Variants in TRPC6 observed in about 807,000 individuals in gnomAD.
TRPC6 encodes the protein transient receptor potential cation channel subfamily C member 6.
Under a neutral mutation model 90.7 loss-of-function variants are expected in TRPC6, and 55 were observed. That is an observed-to-expected ratio of 0.61 (90% confidence interval 0.49 to 0.76). TRPC6 has a LOEUF of 0.76. Ranked by LOEUF, TRPC6 falls within the 30% of genes least tolerant of loss-of-function variation. The pLI is 0.00. For missense variants in TRPC6, 989 were observed against 1,122.7 expected (o/e 0.88, Z 1.70); for synonymous variants, 393 against 393.0 (o/e 1.00, Z 0.00).
Position 101,583,607 on chromosome 11 carries a change from C to A in TRPC6, c.-104G>T, listed in dbSNP as rs184074851. ...GGTTCGCGTCAGCGGCCGAACTGGACCTGGGCAGACCGGTGCCCAGGGGAC... is the reference window on the plus strand; with the variant it reads ...GGTTCGCGTCAGCGGCCGAACTGGAACTGGGCAGACCGGTGCCCAGGGGAC... On this transcript the variant is annotated 5_prime_UTR_variant, in exon 1 of 13. Coordinates refer to ENST00000344327, the MANE Select transcript of TRPC6 (RefSeq NM_004621.6). 155 of 1,277,966 alleles carry A rather than the reference C, an allele frequency of 1.2e-4. 1 individual carries two copies. The African/African-American group carries it at 2.2e-3, about 18-fold the overall frequency. 79.2% of individuals were successfully genotyped at this position (1,277,966 alleles called of 1,614,324 possible). A position where few individuals can be genotyped will look rare whatever the true frequency, so the allele number is the denominator to read the frequency against.
intron 1 of TRPC6, among the ~76,000 whole-genome samples, chr11:101,577,821 C>T (rs1481536323): frequency 1.3e-5 from 2 of 152,118 alleles, no homozygotes; most frequent in Non-Finnish European, 2.9e-5. Context: ...GGAACTTTAA[C>T]GGAAGAGCCT....
At chr11:101,521,382 G>A (rs4275596) in intron 1 of TRPC6, among the ~76,000 whole-genome samples, 39,525 of 152,142 alleles carry the variant, frequency 0.26, 5,271 homozygotes, top group African/African-American at 0.29. Flanking sequence ...TAAGCCTGCA[G>A]GTGCACAGAG....
intron 1 of TRPC6, among the ~76,000 whole-genome samples, chr11:101,553,138 TC>T (rs1861485116): frequency 6.6e-6 from 1 of 152,028 alleles, no homozygotes; most frequent in African/African-American, 2.4e-5. Flanking sequence ...TCAGTGCCAG[TC>T]CCCTCTTTCT....
rs926271571 is a variant in TRPC6 at position 101,583,577 on chromosome 11, C to A, written c.-74G>T. 2.9e-6 allele frequency: 4 copies of A among 1,388,480 alleles called. No homozygotes were observed. In the African/African-American group the frequency reaches 4.6e-5, roughly 16 times the overall value. The allele number at this position is 1,388,480 out of a possible 1,614,324, so 86.0% of individuals were successfully genotyped here. A position where few individuals can be genotyped will look rare whatever the true frequency, so the allele number is the denominator to read the frequency against. ...GGGCAGTTCCAGCGGGGACCCGGTG[C>A]GGAGGGTTCGCGTCAGCGGCCGAAC... is the stretch of plus-strand genomic sequence containing the variant. On this transcript the variant is annotated 5_prime_UTR_variant, in exon 1 of 13. Transcript: ENST00000344327.
intron 10 of TRPC6, among the ~76,000 whole-genome samples, chr11:101,467,836 G>A (rs1859186573): frequency 6.6e-6 from 1 of 152,020 alleles, no homozygotes; most frequent in African/African-American, 2.4e-5. Context: ...GTGGCCTGAG[G>A]GCTATGGCTT....
chr11:101,476,844 C>G (rs536011242), intron 5 of TRPC6, among the ~76,000 whole-genome samples: 24 of 152,192 alleles, frequency 1.6e-4, no homozygotes, highest in African/African-American at 5.5e-4. Context: ...TATAATAACC[C>G]AAACACACCC....
At chr11:101,560,059 G>A (rs1861680662) in intron 1 of TRPC6, among the ~76,000 whole-genome samples, 3 of 152,026 alleles carry the variant, frequency 2.0e-5, no homozygotes. Context: ...ATGACAACAA[G>A]ATAACTTCAA....
chr11:101,488,877 T>A, intron 4 of TRPC6, 60 bp downstream of exon 4: 1 of 1,597,746 alleles, frequency 6.3e-7, no homozygotes, highest in Non-Finnish European at 8.6e-7. Context: ...GAGATAAGAT[T>A]TTTCCCCACT....
At chr11:101,528,609 T>C (rs1163893972) in intron 1 of TRPC6, among the ~76,000 whole-genome samples, 1 of 152,218 alleles carries the variant, frequency 6.6e-6, no homozygotes, top group Non-Finnish European at 1.5e-5. Flanking sequence ...TTATTGCTTG[T>C]ACTAACTCTT....
Position 101,473,613 on chromosome 11 carries a change from G to T in TRPC6, c.1905C>A (p.Phe635Leu). The change falls in exon 7 of 13, where the codon TTC (phenylalanine) becomes TTA (leucine). Residue 635 changes from phenylalanine to leucine, a missense_variant. By Grantham distance (22) the Phe-to-Leu change is conservative (BLOSUM62 0). Transcript: ENST00000344327. ...ISLGRTVKDI[F>L]KFMVIFIMVF... ...CCATAATGAATATGACCATGAACTTGAAGATGTCTTTGACTGTTCTTCCAA... is the reference window on the plus strand; with the variant it reads ...CCATAATGAATATGACCATGAACTTTAAGATGTCTTTGACTGTTCTTCCAA... The T allele has an allele frequency of 6.2e-7, 1 of 1,613,768 alleles. No homozygotes were observed. Among genetic ancestry groups the T allele is most frequent in the Non-Finnish European group, 8.5e-7 (1 of 1,179,800 alleles).
chr11:101,575,778 G>T (rs1333674959), intron 1 of TRPC6, among the ~76,000 whole-genome samples: 1 of 152,100 alleles, frequency 6.6e-6, no homozygotes. Context: ...ACTTATTACT[G>T]CTATTTATGC....
At chr11:101,493,397 G>A (rs1859873547) in intron 2 of TRPC6, among the ~76,000 whole-genome samples, 1 of 152,162 alleles carries the variant, frequency 6.6e-6, no homozygotes, top group Non-Finnish European at 1.5e-5. Flanking sequence ...GCTAGAGCTT[G>A]TTGTATTGCA....
At chr11:101,499,748 C>A (rs1860055281) in intron 2 of TRPC6, among the ~76,000 whole-genome samples, 4 of 13,474 alleles carry the variant, frequency 3.0e-4, no homozygotes, top group African/African-American at 5.5e-4. Context: ...TATATATACA[C>A]AATATATAAT....
At chr11:101,533,950 C>G (rs1005403744) in intron 1 of TRPC6, among the ~76,000 whole-genome samples, 2 of 152,274 alleles carry the variant, frequency 1.3e-5, no homozygotes, top group Non-Finnish European at 2.9e-5. Flanking sequence ...TCCACATTAG[C>G]TATTAATACG....
intron 6 of TRPC6, among the ~76,000 whole-genome samples, chr11:101,474,377 A>AT (rs958031278): frequency 9.9e-5 from 15 of 152,190 alleles, no homozygotes; most frequent in African/African-American, 3.4e-4. Context: ...TCACTTATGG[A>AT]TTTTTTTGGC....
intron 2 of TRPC6, among the ~76,000 whole-genome samples, chr11:101,496,960 C>A (rs1859964031): frequency 6.6e-6 from 1 of 152,212 alleles, no homozygotes; most frequent in Admixed American, 6.5e-5. Context: ...GACTCAATAT[C>A]CTTCAAGACA....
chr11:101,478,815 A>G (rs1032660201), intron 5 of TRPC6, among the ~76,000 whole-genome samples: 11 of 152,108 alleles, frequency 7.2e-5, no homozygotes, highest in African/African-American at 2.7e-4. Flanking sequence ...CAGTGGTTCT[A>G]TTTTTGCCCT....
chr11:101,554,358 G>A (rs751861843), intron 1 of TRPC6, among the ~76,000 whole-genome samples: 1 of 151,872 alleles, frequency 6.6e-6, no homozygotes, highest in Non-Finnish European at 1.5e-5. Context: ...TTTATGTTAT[G>A]CTTGGTATGT....
intron 1 of TRPC6, among the ~76,000 whole-genome samples, chr11:101,571,304 A>T (rs549112532): frequency 6.6e-6 from 1 of 152,302 alleles, no homozygotes; most frequent in East Asian, 1.9e-4. Flanking sequence ...CTAGGAATCC[A>T]ACTTGCAAGG....
Sources: allele counts gnomAD v4.1 joint callset (sites outside exome capture counted in the v4.1 genomes callset), GRCh38; gene constraint gnomAD v4.1.1; transcripts MANE v1.5; gene names NCBI Gene and HGNC (gene_info 2026-07-23, HGNC 2026-07-21).